The following PYURF variants were observed in gnomAD, a reference collection of about 807,000 sequenced individuals.
PYURF encodes PIGY upstream open reading frame.
In PYURF, 9 loss-of-function variants were observed where a neutral mutation model predicts 8.0. The ratio of observed to expected loss-of-function variants is 1.13; its 90% CI spans 0.68 to 1.97. PYURF has a LOEUF of 1.97. Among genes scored for constraint, PYURF ranks in the 30% most tolerant of loss-of-function variants. The pLI, the probability that PYURF is intolerant of heterozygous loss-of-function variation, is 0.00. For synonymous variants in PYURF, 56 were observed against 68.3 expected (o/e 0.82, Z 0.89); for missense variants, 130 against 158.0 (o/e 0.82, Z 0.95).
rs1445762051 is a variant in PYURF at position 88,521,872 on chromosome 4, T to A, written c.*16A>T. The A allele has an allele frequency of 6.5e-6, 10 of 1,541,464 alleles. No homozygotes were observed. The highest frequency in any genetic ancestry group is 8.7e-6 in the Non-Finnish European group (10 of 1,144,722). On this transcript the variant is annotated 3_prime_UTR_variant, in exon 2 of 2. Coordinates refer to ENST00000273968, the MANE Select transcript of PYURF (RefSeq NM_032906.5). ...AAGTTGGCTGTTGCGTTTTTTTAAT[T>A]TTTTTAAATTATGAACTAGCGCTGC...
At chr4:88,523,362 G>A in intron 1 of PYURF, 136 bp downstream of exon 1, 1 of 916,560 alleles carries the variant, frequency 1.1e-6, no homozygotes, top group South Asian at 1.5e-5. Context: ...GCCCGGCGAG[G>A]ACAGAGTCCA....
rs1560623752 is a variant in PYURF at position 88,521,806 on chromosome 4, T to G, written c.*82A>C. 2 of 1,604,294 alleles carry G rather than the reference T, an allele frequency of 1.2e-6. No homozygotes were observed. Among genetic ancestry groups the G allele is most frequent in the Non-Finnish European group, 8.5e-7 (1 of 1,174,774 alleles). ...CAGAAACATTCTTCTCTTCCACTTA[T>G]TACCTGCCACTGTGTTTTAAAAGGT... On this transcript the variant is annotated 3_prime_UTR_variant, in exon 2 of 2. Coordinates refer to ENST00000273968, the MANE Select transcript of PYURF (RefSeq NM_032906.5).
At position 88,523,574 on chromosome 4, in the gene PYURF, T is replaced by C; in HGVS notation, c.127A>G (p.Thr43Ala). 6.4e-7 allele frequency: 1 copy of C among 1,550,446 alleles called. No individual in the cohort carries two copies. The highest frequency in any genetic ancestry group is 1.4e-5 in the African/African-American group (1 of 73,100). The change falls in exon 1 of 2, where the codon ACT becomes GCT. Residue 43 changes from threonine to alanine, a missense_variant. Coordinates refer to ENST00000273968, the MANE Select transcript of PYURF (RefSeq NM_032906.5). ...SRPLADRGKK[T>A]EEPPRDFDPA... ...TCGAAGTCGCGGGGCGGCTCCTCAG[T>C]CTTCTTGCCCCGGTCGGCCAAAGGC... is the stretch of plus-strand genomic sequence containing the variant.
chr4:88,521,728 A>G lies in PYURF; in HGVS notation c.*160T>C. 1 of 1,613,888 alleles carries G rather than the reference A, an allele frequency of 6.2e-7. No individual in the cohort carries two copies. Among genetic ancestry groups the G allele is most frequent in the East Asian group, 2.2e-5 (1 of 44,886 alleles). ...GTTTTCTTCCACAGAGGCTGAGTAG[A>G]ACAGTCCTGCTAAAGAAACCAGTGG... On this transcript the variant is annotated 3_prime_UTR_variant, in exon 2 of 2. Transcript: ENST00000273968.
In PYURF at chr4:88,523,558, C is replaced by T. The variant is rs1304131245; in HGVS notation, c.143G>A (p.Arg48His). Reference protein sequence around the residue: ...DRGKKTEEPPRDFDPALLEFL... With the variant: ...DRGKKTEEPPHDFDPALLEFL... Reference sequence around the variant, plus strand: ...CTCCAGCAGCGCCGGATCGAAGTCGCGGGGCGGCTCCTCAGTCTTCTTGCC... The same window carrying T: ...CTCCAGCAGCGCCGGATCGAAGTCGTGGGGCGGCTCCTCAGTCTTCTTGCC... Residue 48 changes from arginine (R) to histidine (H), a missense_variant, in exon 1 of 2, where the codon CGC becomes CAC. Transcript: ENST00000273968. 1.3e-6 allele frequency: 2 copies of T among 1,550,754 alleles called. No homozygotes were observed. The highest frequency in any genetic ancestry group is 1.7e-6 in the Non-Finnish European group (2 of 1,146,810).
rs1336052550 is a variant in PYURF at position 88,523,034 on chromosome 4, C to A, written c.203+464G>T. Among the ~76,000 whole-genome samples the A allele has an allele frequency of 7.2e-5, 11 of 152,008 alleles. No homozygotes were observed. In the East Asian group the frequency reaches 2.1e-3, roughly 29 times the overall value. ...GGGCGTGGGGGCGGCGCCTGTCTCT[C>A]GACTCCTGAGGAGGCTGAGGCGGGA... On this transcript the variant is annotated intron_variant, in intron 1 of 1. Transcript: ENST00000273968.
Position 88,523,730 on chromosome 4 carries a change from G to A in PYURF, c.-30C>T, listed in dbSNP as rs550251902. The A allele has an allele frequency of 1.9e-5, 27 of 1,413,614 alleles. No individual in the cohort carries two copies. The African/African-American group carries it at 3.5e-4, about 18-fold the overall frequency. The allele number at this position is 1,413,614 out of a possible 1,614,324, so 87.6% of individuals were successfully genotyped here. On this transcript the variant is annotated 5_prime_UTR_variant, in exon 1 of 2. Transcript: ENST00000273968. The stretch of plus-strand genomic sequence containing the variant: ...TGGCAGCCGGAGACCAGGCCTCACC[G>A]CAGCCTCGCCACCCGTGGCCGAGCT...
Position 88,523,510 on chromosome 4 carries a change from T to C in PYURF, c.191A>G (p.Lys64Arg). 6.4e-7 allele frequency: 1 copy of C among 1,551,264 alleles called. No homozygotes were observed. The highest frequency in any genetic ancestry group is 1.4e-5 in the African/African-American group (1 of 73,134). Residue 64 changes from lysine to arginine, a missense_variant, in exon 1 of 2, where the codon AAG becomes AGG. Transcript: ENST00000273968. ...LLEFLVCPLS[K>R]KPLRYEASTN... ...GCCAGCGAGTTACCTGAGCGGCTTCTTGGAGAGCGGGCACACCAGGAACTC... is the reference window on the plus strand; with the variant it reads ...GCCAGCGAGTTACCTGAGCGGCTTCCTGGAGAGCGGGCACACCAGGAACTC...
Position 88,523,737 on chromosome 4 carries a change from C to A in PYURF, c.-37G>T. 1 of 1,403,764 alleles carries A rather than the reference C, an allele frequency of 7.1e-7. No homozygotes were observed. The highest frequency in any genetic ancestry group is 9.2e-7 in the Non-Finnish European group (1 of 1,086,194). 87.0% of individuals were successfully genotyped at this position (1,403,764 alleles called of 1,614,324 possible). On this transcript the variant is annotated 5_prime_UTR_variant, in exon 1 of 2. Transcript: ENST00000273968. ...CGGAGACCAGGCCTCACCGCAGCCT[C>A]GCCACCCGTGGCCGAGCTCCCGGCT... is the stretch of plus-strand genomic sequence containing the variant.
intron 1 of PYURF, among the ~76,000 whole-genome samples, chr4:88,522,915 G>A (rs1237754546): frequency 1.3e-5 from 2 of 152,124 alleles, no homozygotes; most frequent in Non-Finnish European, 2.9e-5. Flanking sequence ...CTTAAAAACC[G>A]GAAGGCTTCG....
Position 88,523,526 on chromosome 4 carries a change from C to A in PYURF, c.175G>T (p.Val59Leu), listed in dbSNP as rs1742458487. Residue 59 changes from valine (V) to leucine (L), a missense_variant, in exon 1 of 2, where the codon GTG (valine) becomes TTG (leucine). Transcript: ENST00000273968. The stretch of plus-strand genomic sequence containing the variant: ...AGCGGCTTCTTGGAGAGCGGGCACA[C>A]CAGGAACTCCAGCAGCGCCGGATCG... ...DFDPALLEFL[V>L]CPLSKKPLRY... is the part of the protein sequence containing the mutation. 1.3e-6 allele frequency: 2 copies of A among 1,551,264 alleles called. No individual in the cohort carries two copies. The highest frequency in any genetic ancestry group is 1.7e-6 in the Non-Finnish European group (2 of 1,146,872).
In PYURF at chr4:88,522,019, A is replaced by T. The variant is rs1742387717; in HGVS notation, c.214T>A (p.Ser72Thr). 6.5e-7 allele frequency: 1 copy of T among 1,546,090 alleles called. No homozygotes were observed. Among genetic ancestry groups the T allele is most frequent in the African/African-American group, 1.4e-5 (1 of 72,886 alleles). ...LSKKPLRYEA[S>T]TNELINEELG... ...TCTTCATTAATCAATTCGTTTGTTG[A>T]TGCTTCATATCTGAGGTGGAAAAAA... The change falls in exon 2 of 2, where the codon TCA becomes ACA. Residue 72 changes from serine to threonine, a missense_variant. By Grantham distance (58) the Ser-to-Thr change is moderately conservative. Transcript: ENST00000273968.
At position 88,521,208 on chromosome 4, in the gene PYURF, T is replaced by C. The variant is rs1072; in HGVS notation, c.*680A>G. 0.063 allele frequency: 12,668 copies of C among 201,958 alleles called. 1,429 individuals are homozygous for C. The highest frequency in any genetic ancestry group is 0.25 in the African/African-American group (10,941 of 43,224). 12.5% of individuals were successfully genotyped at this position (201,958 alleles called of 1,614,324 possible). A position where few individuals can be genotyped will look rare whatever the true frequency, so the allele number is the denominator to read the frequency against. On this transcript the variant is annotated 3_prime_UTR_variant, in exon 2 of 2. Coordinates refer to ENST00000273968, the MANE Select transcript of PYURF (RefSeq NM_032906.5). ...TCCTTTGGAATTATTTCAGTCATCC[T>C]TAACATGTGACTTTACCAAAGACCT...
rs1287950230 is a variant in PYURF, at chr4:88,521,715, A to G, written c.*173T>C. Reference sequence around the variant, plus strand: ...AGCCCTGTGGGAAGTTTTCTTCCACAGAGGCTGAGTAGAACAGTCCTGCTA... The same window carrying G: ...AGCCCTGTGGGAAGTTTTCTTCCACGGAGGCTGAGTAGAACAGTCCTGCTA... On this transcript the variant is annotated 3_prime_UTR_variant, in exon 2 of 2. Coordinates refer to ENST00000273968, the MANE Select transcript of PYURF (RefSeq NM_032906.5). 1 of 1,613,996 alleles carries G rather than the reference A, an allele frequency of 6.2e-7. No individual in the cohort carries two copies. The highest frequency in any genetic ancestry group is 2.2e-5 in the East Asian group (1 of 44,884).
In PYURF at chr4:88,523,658, C is replaced by G; in HGVS notation, c.43G>C (p.Gly15Arg). Residue 15 changes from glycine (G) to arginine (R), a missense_variant, in exon 1 of 2, where the codon GGA (glycine) becomes CGA (arginine). Transcript: ENST00000273968. ...ARCRLASALRGTRAPPSAVAR... is the reference protein window; with the variant it reads ...ARCRLASALRRTRAPPSAVAR... The stretch of plus-strand genomic sequence containing the variant: ...ACCGCGGACGGCGGCGCGCGCGTTC[C>G]CCGCAGCGCTGAGGCGAGCCTGCAG... The G allele has an allele frequency of 6.5e-7, 1 of 1,535,458 alleles. No homozygotes were observed. Among genetic ancestry groups the G allele is most frequent in the Non-Finnish European group, 8.7e-7 (1 of 1,143,470 alleles).
chr4:88,522,967 A>G (rs1293870665), intron 1 of PYURF, among the ~76,000 whole-genome samples: 4 of 152,212 alleles, frequency 2.6e-5, no homozygotes, highest in African/African-American at 4.8e-5. Context: ...CTGGTGGTAC[A>G]TTAGAAATCA....
chr4:88,521,622 G>A lies in PYURF; in HGVS notation c.*266C>T. ...TACCCATCCAAGTCCAAAGGTGGAA[G>A]AATACATACACTGGTATGGTAATAG... On this transcript the variant is annotated 3_prime_UTR_variant, in exon 2 of 2. Coordinates refer to ENST00000273968, the MANE Select transcript of PYURF (RefSeq NM_032906.5). 1 of 1,613,974 alleles carries A rather than the reference G, an allele frequency of 6.2e-7. No homozygotes were observed.
rs1742371367 is a variant in PYURF at position 88,521,642 on chromosome 4, T to C, written c.*246A>G. The C allele has an allele frequency of 1.2e-6, 2 of 1,613,858 alleles. No individual in the cohort carries two copies. Among genetic ancestry groups the C allele is most frequent in the African/African-American group, 1.3e-5 (1 of 74,928 alleles). On this transcript the variant is annotated 3_prime_UTR_variant, in exon 2 of 2. Coordinates refer to ENST00000273968, the MANE Select transcript of PYURF (RefSeq NM_032906.5). ...TGGAAGAATACATACACTGGTATGG[T>C]AATAGGCAAGAGCAGGCTGTAAAAG... is the stretch of plus-strand genomic sequence containing the variant.
chr4:88,521,426 T>A lies in PYURF; in HGVS notation c.*462A>T. The A allele has an allele frequency of 1.5e-6, 1 of 666,358 alleles. No homozygotes were observed. Among genetic ancestry groups the A allele is most frequent in the Non-Finnish European group, 2.5e-6 (1 of 392,832 alleles). 41.3% of individuals were successfully genotyped at this position (666,358 alleles called of 1,614,324 possible). Reference sequence around the variant, plus strand: ...GAACAAGAGTACAATAAAAGAAGCATCTGCAACTTAAGCCTCCCACAGTCC... The same window carrying A: ...GAACAAGAGTACAATAAAAGAAGCAACTGCAACTTAAGCCTCCCACAGTCC... On this transcript the variant is annotated 3_prime_UTR_variant, in exon 2 of 2. Transcript: ENST00000273968.
Sources: allele counts gnomAD v4.1 joint callset (sites outside exome capture counted in the v4.1 genomes callset), GRCh38; gene constraint gnomAD v4.1.1; transcripts MANE v1.5; gene names NCBI Gene and HGNC (gene_info 2026-07-23, HGNC 2026-07-21).